The following RAI14 variants were observed in gnomAD, a reference collection of about 807,000 sequenced individuals.
RAI14 encodes retinoic acid induced 14, also known as ankycorbin.
RAI14 carries 45 observed loss-of-function variants against 115.4 expected under a neutral mutation model. That is an observed-to-expected ratio of 0.39 (90% confidence interval 0.31 to 0.50). The LOEUF (loss-of-function observed/expected upper bound fraction) is 0.50, where lower values mean the gene tolerates loss of function less well. Ranked by LOEUF, RAI14 falls within the 20% of genes least tolerant of loss-of-function variation. The pLI, the probability that RAI14 is intolerant of heterozygous loss-of-function variation, is 0.85. For synonymous variants in RAI14, 371 were observed against 415.4 expected (o/e 0.89, Z 1.30); for missense variants, 939 against 1,131.2 (o/e 0.83, Z 2.44).
In RAI14 at chr5:34,764,537, TTCTCTCTCTC is replaced by T. The variant is rs146616019; in HGVS notation, c.167+6964_167+6973del. The stretch of plus-strand genomic sequence containing the variant: ...AAGGCCCAGGAAGCACAGGTGAATT[TTCTCTCTCTC>T]TCTCTCTCTCTCTCTCTCTCTCTCA... On this transcript the variant is annotated intron_variant, in intron 3 of 17. Coordinates refer to ENST00000265109, the MANE Select transcript of RAI14 (RefSeq NM_015577.3). 3.3e-4 allele frequency among the ~76,000 whole-genome samples: 24 copies of T among 71,752 alleles called. No homozygotes were observed. In the South Asian group the frequency reaches 4.6e-3, roughly 14 times the overall value. The allele number at this position is 71,752 out of a possible 152,430, so 47.1% of individuals were successfully genotyped here. A position where few individuals can be genotyped will look rare whatever the true frequency, so the allele number is the denominator to read the frequency against.
At chr5:34,783,347 C>T (rs1038618424) in intron 3 of RAI14, among the ~76,000 whole-genome samples, 103 of 152,092 alleles carry the variant, frequency 6.8e-4, no homozygotes, top group African/African-American at 2.3e-3. Context: ...TGGCTGCAAC[C>T]GGGGGGTCCT....
intron 2 of RAI14, among the ~76,000 whole-genome samples, chr5:34,744,904 G>A (rs1332668602): frequency 6.6e-6 from 1 of 152,170 alleles, no homozygotes; most frequent in Non-Finnish European, 1.5e-5. Flanking sequence ...TCTAGCTCCT[G>A]GTGGTTGCTG....
chr5:34,662,487 G>A lies in RAI14; in HGVS notation c.-49+6012G>A, dbSNP rs146369410. The stretch of plus-strand genomic sequence containing the variant: ...TTTTATATGGTGATAGGGAAAAGGA[G>A]TCTAGATTTTTTTTCCCAGTGAACT... On this transcript the variant is annotated intron_variant, in intron 1 of 17. Transcript: ENST00000265109. Among the ~76,000 whole-genome samples the A allele has an allele frequency of 9.2e-5, 14 of 152,196 alleles. No individual in the cohort carries two copies. The East Asian group carries it at 2.1e-3, about 23-fold the overall frequency.
At chr5:34,694,582 A>G (rs1171470063) in intron 2 of RAI14, among the ~76,000 whole-genome samples, 1 of 152,120 alleles carries the variant, frequency 6.6e-6, no homozygotes. Context: ...AAATGCTTTC[A>G]CTTTTTGGGA....
intron 4 of RAI14, among the ~76,000 whole-genome samples, chr5:34,802,280 T>A (rs938664315): frequency 6.6e-6 from 1 of 152,144 alleles, no homozygotes; most frequent in Non-Finnish European, 1.5e-5. Context: ...AGAAAGTGCA[T>A]CTACGGCCAT....
chr5:34,776,535 G>A (rs1433789438), intron 3 of RAI14, among the ~76,000 whole-genome samples: 6 of 152,158 alleles, frequency 3.9e-5, no homozygotes, highest in Non-Finnish European at 7.3e-5. Flanking sequence ...GCTGGGCACA[G>A]TGACTCACAC....
chr5:34,698,086 C>A, intron 2 of RAI14, among the ~76,000 whole-genome samples: 1 of 86,540 alleles, frequency 1.2e-5, no homozygotes, highest in Non-Finnish European at 2.3e-5. Context: ...TTCCTCCTCC[C>A]CTCCTCCCCT....
In RAI14 at chr5:34,823,845, T is replaced by A; in HGVS notation, c.2003T>A (p.Leu668Gln). The A allele has an allele frequency of 6.2e-7, 1 of 1,614,020 alleles. No individual in the cohort carries two copies. Among genetic ancestry groups the A allele is most frequent in the Non-Finnish European group, 8.5e-7 (1 of 1,179,890 alleles). The change falls in exon 15 of 18, where the codon CTA (leucine) becomes CAA (glutamine). Residue 668 changes from leucine (L) to glutamine (Q), a missense_variant. Leu to Gln is a moderately radical substitution (Grantham distance 113). Transcript: ENST00000265109. The surrounding 1 kb of genome is among the most constrained non-coding windows in gnomAD (Gnocchi z 4.5). Reference protein sequence around the residue: ...ELEDYRKRKSLEDVTAEYIHK... With the variant: ...ELEDYRKRKSQEDVTAEYIHK... ...GAGGATTACAGGAAGAGGAAATCTC[T>A]AGAGGATGTCACAGCTGAATATATC... is the stretch of plus-strand genomic sequence containing the variant.
At chr5:34,698,399 A>G (rs1442887022) in intron 2 of RAI14, among the ~76,000 whole-genome samples, 1 of 151,600 alleles carries the variant, frequency 6.6e-6, no homozygotes, top group African/African-American at 2.4e-5. Flanking sequence ...TAGTACCTAA[A>G]ATTGTGTGTG....
intron 4 of RAI14, among the ~76,000 whole-genome samples, chr5:34,799,800 G>A (rs1754046396): frequency 6.7e-6 from 1 of 148,672 alleles, no homozygotes; most frequent in African/African-American, 2.5e-5. Context: ...CCATTCTGCT[G>A]CCTCAGCCTC....
chr5:34,812,457 G>A (rs1186891591), intron 10 of RAI14, among the ~76,000 whole-genome samples: 2 of 152,098 alleles, frequency 1.3e-5, no homozygotes, highest in Non-Finnish European at 2.9e-5. Context: ...CCTGAGGTCG[G>A]GAGTTCAAGA....
chr5:34,768,997 A>C (rs1307391981), intron 3 of RAI14, among the ~76,000 whole-genome samples: 3 of 151,900 alleles, frequency 2.0e-5, no homozygotes, highest in Non-Finnish European at 4.4e-5. Context: ...TCAAAAAAAA[A>C]AAAAGGATGA....
chr5:34,678,453 A>G (rs1744152809), intron 1 of RAI14, among the ~76,000 whole-genome samples: 1 of 152,174 alleles, frequency 6.6e-6, no homozygotes, highest in Admixed American at 6.5e-5. Context: ...GGACCTTTGT[A>G]GGGGTAATTA....
chr5:34,718,216 A>C (rs1422851661), intron 2 of RAI14, among the ~76,000 whole-genome samples: 1 of 152,230 alleles, frequency 6.6e-6, no homozygotes, highest in African/African-American at 2.4e-5. Context: ...TCAGTAAATA[A>C]ATGCAGATGA....
intron 2 of RAI14, among the ~76,000 whole-genome samples, chr5:34,751,386 G>T (rs911954560): frequency 6.6e-6 from 1 of 151,962 alleles, no homozygotes; most frequent in East Asian, 1.9e-4. Flanking sequence ...CAAGTGATCT[G>T]CCCACCTCGG....
intron 3 of RAI14, among the ~76,000 whole-genome samples, chr5:34,787,380 T>G (rs929433190): frequency 1.3e-5 from 2 of 152,176 alleles, no homozygotes; most frequent in African/African-American, 4.8e-5. Context: ...ATAAACAAAA[T>G]GCAGCATATC....
chr5:34,677,273 T>A (rs933430451), intron 1 of RAI14, among the ~76,000 whole-genome samples: 2 of 152,118 alleles, frequency 1.3e-5, no homozygotes, highest in African/African-American at 4.8e-5. Context: ...CAAGTGATTC[T>A]TTGCCTCAGC....
At chr5:34,794,004 G>T (rs1580280628) in intron 3 of RAI14, among the ~76,000 whole-genome samples, 1 of 152,238 alleles carries the variant, frequency 6.6e-6, no homozygotes, top group Middle Eastern at 3.4e-3. Flanking sequence ...ATTAATAAAA[G>T]ACTTACTGCT....
intron 2 of RAI14, among the ~76,000 whole-genome samples, chr5:34,714,115 T>C (rs1445042277): frequency 6.6e-6 from 1 of 152,238 alleles, no homozygotes; most frequent in Non-Finnish European, 1.5e-5. Context: ...GAATTTATTT[T>C]CTTTTGAGTA....
Sources: gnomAD v4.1 joint callset for allele counts (sites outside exome capture counted in the v4.1 genomes callset) on GRCh38, gnomAD v4.1.1 for gene constraint, Gnocchi (gnomAD v3.1) non-coding constraint, MANE v1.5 for transcripts, NCBI Gene and HGNC (gene_info 2026-07-23, HGNC 2026-07-21) for gene names.